The following ABCA13 variants were observed in gnomAD, a reference collection of about 807,000 sequenced individuals.
ABCA13 encodes ATP-binding cassette sub-family A member 13.
Under a neutral mutation model 478.7 loss-of-function variants are expected in ABCA13, and 476 were observed. That is an observed-to-expected ratio of 0.99 (90% CI 0.92 to 1.07). The LOEUF (loss-of-function observed/expected upper bound fraction) is 1.07. Ranked by LOEUF, ABCA13 falls within the 50% of genes least tolerant of loss-of-function variation. ABCA13 has a pLI of 0.00. For synonymous variants in ABCA13, 2,252 were observed against 2,158.9 expected, an observed-to-expected ratio of 1.04 and a Z score of -1.20; for missense variants, 6,060 against 5,910.6, an observed-to-expected ratio of 1.03 and a Z score of -0.83.
intron 55 of ABCA13, among the ~76,000 whole-genome samples, chr7:48,568,035 A>C (rs1391686690): frequency 6.6e-6 from 1 of 152,156 alleles, no homozygotes; most frequent in Non-Finnish European, 1.5e-5. Context: ...CTAAGACATA[A>C]TTCACATACT....
At chr7:48,175,550 A>G (rs1343775997) in intron 1 of ABCA13, among the ~76,000 whole-genome samples, 4 of 152,126 alleles carry the variant, frequency 2.6e-5, no homozygotes, top group Non-Finnish European at 4.4e-5. Flanking sequence ...CATCCTGAAT[A>G]GCTGGGATTA....
chr7:48,173,527 A>T (rs1336787224), intron 1 of ABCA13, among the ~76,000 whole-genome samples: 2 of 152,276 alleles, frequency 1.3e-5, no homozygotes, highest in Non-Finnish European at 2.9e-5. Context: ...CTGTTCACAG[A>T]AAAGCAATGA....
chr7:48,570,294 T>A (rs1443438840), intron 55 of ABCA13, among the ~76,000 whole-genome samples: 1 of 151,358 alleles, frequency 6.6e-6, no homozygotes, highest in Non-Finnish European at 1.5e-5. Context: ...GGATACTGAT[T>A]TCATTGTATA....
chr7:48,471,565 C>G lies in ABCA13; in HGVS notation c.12941C>G (p.Ser4314Cys). 1 of 1,564,632 alleles carries G rather than the reference C, an allele frequency of 6.4e-7. No individual in the cohort carries two copies. Among genetic ancestry groups the G allele is most frequent in the Non-Finnish European group, 8.7e-7 (1 of 1,152,442 alleles). ...TCATGCTGGCGCACAGATCCCTTTT[C>G]TCACCCAGAATTCCAGGATTCATGT... ...NSSCWRTDPF[S>C]HPEFQDSCGC... Residue 4314 changes from serine to cysteine, a missense_variant, in exon 45 of 62, where the codon TCT becomes TGT. By Grantham distance (112) the Ser-to-Cys change is moderately radical. This residue lies in a region of ABCA13 where 1,627 missense variants were observed against 1,571.0 expected (regional missense o/e 1.04). Transcript: ENST00000435803.
At chr7:48,491,052 A>T (rs1829796558) in intron 48 of ABCA13, among the ~76,000 whole-genome samples, 1 of 152,326 alleles carries the variant, frequency 6.6e-6, no homozygotes, top group East Asian at 1.9e-4. Context: ...TAAGAAACTA[A>T]AATATAAACC....
At chr7:48,282,194 C>G (rs1392012894) in intron 19 of ABCA13, among the ~76,000 whole-genome samples, 1 of 152,232 alleles carries the variant, frequency 6.6e-6, no homozygotes, top group Non-Finnish European at 1.5e-5. Context: ...AGTGCAATCT[C>G]CTTTCAATGC....
chr7:48,635,257 A>C (rs770039559), intron 59 of ABCA13, among the ~76,000 whole-genome samples: 27 of 152,106 alleles, frequency 1.8e-4, no homozygotes, highest in Non-Finnish European at 2.2e-4. Flanking sequence ...CTAAAACAAC[A>C]AAACAGTCCC....
In ABCA13 at chr7:48,317,248, A is replaced by G. The variant is rs1332969081; in HGVS notation, c.9951A>G (p.Lys3317=). The change falls in exon 27 of 62, where the codon AAA becomes AAG. Residue 3317 remains lysine, a synonymous_variant. Coordinates refer to ENST00000435803, the MANE Select transcript of ABCA13 (RefSeq NM_152701.5). Reference sequence around the variant, plus strand: ...TCCTAAAACCCATATTGCATGGAAAAATACTATACACACCAAACACTCCAG... The same window carrying G: ...TCCTAAAACCCATATTGCATGGAAAGATACTATACACACCAAACACTCCAG... The part of the protein sequence containing the change: ...WTFLKPILHG[K]ILYTPNTPEI... 1 of 1,613,714 alleles carries G rather than the reference A, an allele frequency of 6.2e-7. No homozygotes were observed. The highest frequency in any genetic ancestry group is 1.7e-5 in the Admixed American group (1 of 60,004).
chr7:48,644,902 T>C, intron 61 of ABCA13, 148 bp downstream of exon 61: 1 of 894,368 alleles, frequency 1.1e-6, no homozygotes, highest in Non-Finnish European at 1.6e-6. Flanking sequence ...ATAAGGATGG[T>C]GAGTGTCAGA....
chr7:48,367,512 C>T (rs938295564), intron 31 of ABCA13, among the ~76,000 whole-genome samples: 23 of 152,164 alleles, frequency 1.5e-4, no homozygotes, highest in African/African-American at 5.3e-4. Context: ...TTTGCTCCAA[C>T]CTGCTCTGCC....
intron 3 of ABCA13, among the ~76,000 whole-genome samples, chr7:48,205,167 G>A (rs1359788800): frequency 6.6e-6 from 1 of 152,084 alleles, no homozygotes; most frequent in East Asian, 1.9e-4. Context: ...ACCGTGTTTA[G>A]TATTTCAATT....
At chr7:48,192,259 C>A (rs1230368897) in intron 1 of ABCA13, among the ~76,000 whole-genome samples, 1 of 150,514 alleles carries the variant, frequency 6.6e-6, no homozygotes, top group East Asian at 2.0e-4. Flanking sequence ...AGTTAATTTT[C>A]TTTTAACTTT....
chr7:48,349,516 G>A (rs1378134166), intron 29 of ABCA13, among the ~76,000 whole-genome samples: 2 of 152,212 alleles, frequency 1.3e-5, no homozygotes, highest in Non-Finnish European at 2.9e-5. Flanking sequence ...GCATCTTCAT[G>A]TAGTTTCTTA....
At chr7:48,440,794 G>A (rs1020653885) in intron 42 of ABCA13, among the ~76,000 whole-genome samples, 1 of 151,650 alleles carries the variant, frequency 6.6e-6, no homozygotes, top group Non-Finnish European at 1.5e-5. Context: ...TCTGAATTTG[G>A]AGAACATTAT....
At chr7:48,241,988 G>A (rs1790901445) in intron 10 of ABCA13, among the ~76,000 whole-genome samples, 1 of 152,170 alleles carries the variant, frequency 6.6e-6, no homozygotes, top group Non-Finnish European at 1.5e-5. Flanking sequence ...AGCTACAGGA[G>A]GATGGATGCA....
chr7:48,393,784 C>T (rs1447788253), intron 38 of ABCA13, among the ~76,000 whole-genome samples: 7 of 152,168 alleles, frequency 4.6e-5, no homozygotes, highest in East Asian at 1.9e-4. Context: ...CCAAGTAAAA[C>T]GTTTGCAATG....
intron 17 of ABCA13, among the ~76,000 whole-genome samples, chr7:48,277,348 C>T (rs1796437280): frequency 1.3e-5 from 2 of 152,198 alleles, no homozygotes; most frequent in African/African-American, 4.8e-5. Flanking sequence ...ACTATGAATA[C>T]CCAGCAGTGG....
At chr7:48,467,524 T>C (rs1019846918) in intron 44 of ABCA13, among the ~76,000 whole-genome samples, 1 of 152,206 alleles carries the variant, frequency 6.6e-6, no homozygotes, top group Non-Finnish European at 1.5e-5. Flanking sequence ...TATTTAATCA[T>C]GGTTATTGTG....
At chr7:48,179,773 C>T (rs1054907703) in intron 1 of ABCA13, among the ~76,000 whole-genome samples, 8 of 152,156 alleles carry the variant, frequency 5.3e-5, no homozygotes, top group Admixed American at 3.9e-4. Context: ...GCTGTGATCC[C>T]GGCAGGTCCT....
Sources: gnomAD v4.1 joint callset for allele counts (sites outside exome capture counted in the v4.1 genomes callset) on GRCh38, gnomAD v4.1.1 for gene constraint, gnomAD v4.1.1 regional missense constraint, MANE v1.5 for transcripts, NCBI Gene and HGNC (gene_info 2026-07-23, HGNC 2026-07-21) for gene names.